The following CATSPERD variants were observed in gnomAD, a reference collection of about 807,000 sequenced individuals.
The protein encoded by CATSPERD is catsper channel auxiliary subunit delta, also known as cation channel sperm-associated auxiliary subunit delta.
CATSPERD carries 86 observed loss-of-function variants against 98.1 expected under a neutral mutation model. That is an observed-to-expected ratio of 0.88 (90% CI 0.74 to 1.05). The LOEUF (loss-of-function observed/expected upper bound fraction) is 1.05. Among genes scored for constraint, CATSPERD ranks in the 50% least tolerant of loss-of-function variants. The pLI is 0.00. For synonymous variants in CATSPERD, 394 were observed against 390.2 expected (o/e 1.01, Z -0.12); for missense variants, 995 against 1,005.7 (o/e 0.99, Z 0.14).
chr19:5,750,410 C>T (rs1449659900), intron 11 of CATSPERD, among the ~76,000 whole-genome samples: 1 of 136,246 alleles, frequency 7.3e-6, no homozygotes, highest in Non-Finnish European at 1.5e-5. Context: ...GAGATCAAGC[C>T]ACTGCACTCT....
At chr19:5,754,543 C>T (rs1006246391) in intron 13 of CATSPERD, among the ~76,000 whole-genome samples, 5 of 150,456 alleles carry the variant, frequency 3.3e-5, no homozygotes, top group African/African-American at 9.8e-5. Context: ...GGATTACCAG[C>T]ATGTGCCACC....
At chr19:5,777,708 C>T (rs2056760389) in intron 21 of CATSPERD, among the ~76,000 whole-genome samples, 1 of 151,990 alleles carries the variant, frequency 6.6e-6, no homozygotes, top group African/African-American at 2.4e-5. Context: ...CATGGAGAAG[C>T]TCCGTCTCTA....
At chr19:5,747,169 CTTTTTT>C (rs748726369) in intron 9 of CATSPERD, among the ~76,000 whole-genome samples, 2 of 105,772 alleles carry the variant, frequency 1.9e-5, no homozygotes, top group Admixed American at 1.1e-4. Flanking sequence ...AATGGTTTCC[CTTTTTT>C]TTTTTTTTTT....
intron 8 of CATSPERD, 152 bp downstream of exon 8, chr19:5,744,662 G>A (rs2056061871): frequency 6.9e-6 from 3 of 432,656 alleles, no homozygotes; most frequent in East Asian, 9.1e-5. Flanking sequence ...GTGCAGTGGC[G>A]CAATCTCAGC....
At chr19:5,744,073 G>A (rs570840416) in intron 7 of CATSPERD, among the ~76,000 whole-genome samples, 3 of 152,058 alleles carry the variant, frequency 2.0e-5, no homozygotes, top group East Asian at 3.9e-4. Context: ...TCTGCCTCCC[G>A]GGTTCAAGTG....
At chr19:5,748,063 G>T in intron 9 of CATSPERD, 97 bp from the exon 10 acceptor site, 1 of 927,790 alleles carries the variant, frequency 1.1e-6, no homozygotes, top group Non-Finnish European at 1.8e-6. Context: ...GGCCGGGTGG[G>T]TTGGGTGGTG....
At chr19:5,769,962 G>A (rs923064237) in intron 18 of CATSPERD, among the ~76,000 whole-genome samples, 2 of 151,512 alleles carry the variant, frequency 1.3e-5, no homozygotes, top group African/African-American at 4.9e-5. Context: ...GGTGGCACAT[G>A]CCTGTAGTCC....
intron 5 of CATSPERD, among the ~76,000 whole-genome samples, chr19:5,735,049 G>A (rs1051829192): frequency 2.6e-5 from 4 of 152,090 alleles, no homozygotes; most frequent in African/African-American, 7.2e-5. Flanking sequence ...TGAGGCAAAT[G>A]TTAGCTTTAG....
chr19:5,739,530 C>T, intron 7 of CATSPERD, 91 bp downstream of exon 7: 1 of 753,290 alleles, frequency 1.3e-6, no homozygotes, highest in Non-Finnish European at 2.2e-6. Context: ...AGGGTGTTTT[C>T]CTCTTTAAGA....
At chr19:5,754,809 T>C (rs1342671105) in intron 13 of CATSPERD, among the ~76,000 whole-genome samples, 1 of 151,472 alleles carries the variant, frequency 6.6e-6, no homozygotes, top group Non-Finnish European at 1.5e-5. Context: ...GCCTCCTCCA[T>C]CCTTCTGAGC....
chr19:5,723,200 AG>A (rs1293544098), intron 1 of CATSPERD, among the ~76,000 whole-genome samples: 1 of 148,912 alleles, frequency 6.7e-6, no homozygotes, highest in Non-Finnish European at 1.5e-5. Flanking sequence ...AAAAAAAAAA[AG>A]AAAAAGAAAA....
At position 5,741,792 on chromosome 19, in the gene CATSPERD, G is replaced by T. The variant is rs528617749; in HGVS notation, c.573+2353G>T. On this transcript the variant is annotated intron_variant, in intron 7 of 21. Coordinates refer to ENST00000381624, the MANE Select transcript of CATSPERD (RefSeq NM_152784.4). Reference sequence around the variant, plus strand: ...ACTTTGGGATGCTGAAGGCGGGGGGGGGGGGGTGGTGTGGATCACTTGAGG... The same window carrying T: ...ACTTTGGGATGCTGAAGGCGGGGGGTGGGGGGTGGTGTGGATCACTTGAGG... Among the ~76,000 whole-genome samples the T allele has an allele frequency of 1.4e-4, 13 of 96,168 alleles. 2 individuals are homozygous for T. The highest frequency in any genetic ancestry group is 1.2e-3 in the East Asian group (5 of 4,124). 63.1% of individuals were successfully genotyped at this position (96,168 alleles called of 152,430 possible). A position where few individuals can be genotyped will look rare whatever the true frequency, so the allele number is the denominator to read the frequency against.
intron 18 of CATSPERD, among the ~76,000 whole-genome samples, chr19:5,769,661 CT>C (rs2056608895): frequency 6.6e-6 from 1 of 152,192 alleles, no homozygotes; most frequent in Non-Finnish European, 1.5e-5. Context: ...GAGGCCTAAA[CT>C]AGTGCTTCTG....
At position 5,778,368 on chromosome 19, in the gene CATSPERD, C is replaced by A. The variant is rs370586084; in HGVS notation, c.2097-8C>A. The A allele has an allele frequency of 3.8e-6, 6 of 1,594,804 alleles. No homozygotes were observed. Among genetic ancestry groups the A allele is most frequent in the Admixed American group, 1.7e-5 (1 of 59,244 alleles). ...CCAACAGCCTCTCCCCGCCTCCCCC[C>A]ACCGCAGCTACTGTCAACTGGAGAC... On this transcript the variant is annotated splice_region_variant and splice_polypyrimidine_tract_variant and intron_variant, in intron 21 of 21. Transcript: ENST00000381624.
At chr19:5,726,018 C>T (rs1287453928) in intron 2 of CATSPERD, among the ~76,000 whole-genome samples, 2 of 151,802 alleles carry the variant, frequency 1.3e-5, no homozygotes, top group Non-Finnish European at 2.9e-5. Flanking sequence ...CAAATAGTAA[C>T]ATGAATAGGT....
intron 16 of CATSPERD, among the ~76,000 whole-genome samples, chr19:5,763,969 C>T (rs374076734): frequency 2.1e-4 from 31 of 149,926 alleles, no homozygotes; most frequent in African/African-American, 7.6e-4. Flanking sequence ...TAACCTCAGC[C>T]TCCCGAGTAG....
At chr19:5,742,130 G>A (rs1055581378) in intron 7 of CATSPERD, among the ~76,000 whole-genome samples, 9 of 146,838 alleles carry the variant, frequency 6.1e-5, no homozygotes, top group South Asian at 4.3e-4. Flanking sequence ...TTGTGTGTGC[G>A]TGTGTGCGCG....
intron 13 of CATSPERD, among the ~76,000 whole-genome samples, chr19:5,756,092 CCAA>C: frequency 6.6e-6 from 1 of 151,830 alleles, no homozygotes; most frequent in South Asian, 2.1e-4. Context: ...ATCAGCCTGG[CCAA>C]CATAGTGAAA....
chr19:5,723,482 T>G (rs1246419052), intron 1 of CATSPERD, among the ~76,000 whole-genome samples: 1 of 128,584 alleles, frequency 7.8e-6, no homozygotes, highest in Admixed American at 8.4e-5. Flanking sequence ...TTTTTTTTTT[T>G]GAGACGGAGT....
Sources: allele counts gnomAD v4.1 joint callset (sites outside exome capture counted in the v4.1 genomes callset), GRCh38; gene constraint gnomAD v4.1.1; transcripts MANE v1.5; gene names NCBI Gene and HGNC (gene_info 2026-07-23, HGNC 2026-07-21).